Variants in COL11A1 observed in about 807,000 individuals in gnomAD.
COL11A1 encodes the protein collagen alpha-1(XI) chain.
Under a neutral mutation model 265.2 loss-of-function variants are expected in COL11A1, and 74 were observed. That is an observed-to-expected ratio of 0.28 (90% CI 0.23 to 0.34). The LOEUF is 0.34. Ranked by LOEUF, COL11A1 falls within the 10% of genes least tolerant of loss-of-function variation. COL11A1 has a pLI of 1.00. For synonymous variants in COL11A1, 816 were observed against 727.6 expected (o/e 1.12, Z -1.96); for missense variants, 2,165 against 2,263.6 (o/e 0.96, Z 0.88).
rs1489532277 is a variant in COL11A1 at position 102,905,410 on chromosome 1, GAGAAAGGAAGGAAGGA to G, written c.4087-6432_4087-6417del. On this transcript the variant is annotated intron_variant, in intron 54 of 66. Coordinates refer to ENST00000370096, the MANE Select transcript of COL11A1 (RefSeq NM_001854.4). ...AAAAATTAAAAAAAAAGGAAAGAGA[GAGAAAGGAAGGAAGGA>G]AGAAAGGAAGAAAAGAAGGAGGGAG... Among the ~76,000 whole-genome samples the G allele has an allele frequency of 2.0e-5, 3 of 149,442 alleles. No individual in the cohort carries two copies. In the Admixed American group the frequency reaches 2.0e-4, roughly 10 times the overall value.
At chr1:102,905,765 T>A (rs1409215397) in intron 54 of COL11A1, among the ~76,000 whole-genome samples, 4 of 152,128 alleles carry the variant, frequency 2.6e-5, no homozygotes, top group Non-Finnish European at 5.9e-5. Flanking sequence ...CCAATTTATA[T>A]TAGTATTACA....
intron 30 of COL11A1, 88 bp from the exon 31 acceptor site, chr1:102,984,279 T>C: frequency 1.2e-6 from 1 of 845,578 alleles, no homozygotes; most frequent in Non-Finnish European, 1.9e-6. Flanking sequence ...AATATTAGAA[T>C]CACATATTGT....
intron 1 of COL11A1, among the ~76,000 whole-genome samples, chr1:103,098,663 C>T (rs757468299): frequency 1.3e-5 from 2 of 151,780 alleles, no homozygotes; most frequent in Admixed American, 6.6e-5. Flanking sequence ...GATGTATTTC[C>T]TGCTTTCATT....
At chr1:102,965,818 C>T (rs535523228) in intron 37 of COL11A1, among the ~76,000 whole-genome samples, 1 of 152,032 alleles carries the variant, frequency 6.6e-6, no homozygotes, top group Non-Finnish European at 1.5e-5. Flanking sequence ...TCCACTAGGT[C>T]AAACAACATA....
At chr1:103,034,661 C>G (rs1010275297) in intron 4 of COL11A1, among the ~76,000 whole-genome samples, 2 of 151,660 alleles carry the variant, frequency 1.3e-5, no homozygotes, top group African/African-American at 4.8e-5. Flanking sequence ...CATTTAATGT[C>G]TTTGTTGGGG....
At chr1:102,969,949 G>A (rs1021330377) in intron 37 of COL11A1, among the ~76,000 whole-genome samples, 1 of 151,946 alleles carries the variant, frequency 6.6e-6, no homozygotes, top group African/African-American at 2.4e-5. Context: ...AAAAATAATG[G>A]TGTCTTCTCC....
At chr1:103,078,918 C>A (rs184091694) in intron 2 of COL11A1, 47 bp from the exon 3 acceptor site, 3 of 1,335,682 alleles carry the variant, frequency 2.2e-6, no homozygotes, top group African/African-American at 1.5e-5. Context: ...TTTCCAATTT[C>A]TACTTTATTC....
chr1:103,082,946 G>T lies in COL11A1; in HGVS notation c.133C>A (p.Leu45Ile). The T allele has an allele frequency of 6.2e-7, 1 of 1,612,932 alleles. No individual in the cohort carries two copies. Among genetic ancestry groups the T allele is most frequent in the Non-Finnish European group, 8.5e-7 (1 of 1,179,490 alleles). ...CCCTCTGGAGAATTGTGAAAATCTAGTGCTTTTAGTACATCAACTGGAGCA... is the reference window on the plus strand; with the variant it reads ...CCCTCTGGAGAATTGTGAAAATCTATTGCTTTTAGTACATCAACTGGAGCA... ...GAAPVDVLKA[L>I]DFHNSPEGIS... is the part of the protein sequence containing the mutation. Residue 45 changes from leucine (L) to isoleucine (I), a missense_variant, in exon 2 of 67, where the codon CTA (leucine) becomes ATA (isoleucine). Leu to Ile is a conservative substitution (Grantham distance 5, BLOSUM62 2). Coordinates refer to ENST00000370096, the MANE Select transcript of COL11A1 (RefSeq NM_001854.4).
At position 102,930,421 on chromosome 1, in the gene COL11A1, C is replaced by T. The variant is rs1028368196; in HGVS notation, c.3600+4028G>A. Among the ~76,000 whole-genome samples, 36 of 151,776 alleles carry T rather than the reference C, an allele frequency of 2.4e-4. 1 individual carries two copies. Among genetic ancestry groups the T allele is most frequent in the African/African-American group, 8.0e-4 (33 of 41,272 alleles). On this transcript the variant is annotated intron_variant, in intron 46 of 66. Transcript: ENST00000370096. The stretch of plus-strand genomic sequence containing the variant: ...ATTGATTTGCGTATATTGAACCAGC[C>T]TTGCATCCCAGGGATGAAGCCCACT...
intron 54 of COL11A1, among the ~76,000 whole-genome samples, chr1:102,910,474 T>C (rs1654521826): frequency 2.0e-5 from 3 of 152,272 alleles, no homozygotes; most frequent in Admixed American, 2.0e-4. Flanking sequence ...GCTGCCAATA[T>C]GTAATAGAAT....
intron 29 of COL11A1, among the ~76,000 whole-genome samples, chr1:102,988,771 C>T (rs1047834743): frequency 4.6e-5 from 7 of 152,072 alleles, no homozygotes; most frequent in African/African-American, 1.4e-4. Context: ...AAAGATTGTT[C>T]AGCAGCTTTG....
intron 65 of COL11A1, among the ~76,000 whole-genome samples, chr1:102,880,481 G>A (rs984719668): frequency 6.6e-6 from 1 of 152,106 alleles, no homozygotes; most frequent in African/African-American, 2.4e-5. Context: ...GATGATGTGT[G>A]TATTCAACAT....
intron 44 of COL11A1, among the ~76,000 whole-genome samples, chr1:102,935,784 T>C (rs1000882468): frequency 3.3e-5 from 5 of 152,196 alleles, no homozygotes; most frequent in Non-Finnish European, 5.9e-5. Flanking sequence ...TGTTCTGTAT[T>C]GTAACTACTA....
At chr1:103,044,229 T>C (rs1458470080) in intron 4 of COL11A1, among the ~76,000 whole-genome samples, 1 of 151,520 alleles carries the variant, frequency 6.6e-6, no homozygotes, top group Non-Finnish European at 1.5e-5. Flanking sequence ...TTTTCTGTGG[T>C]AAAGGAAAGT....
At chr1:103,071,647 G>C (rs1671597854) in intron 4 of COL11A1, among the ~76,000 whole-genome samples, 1 of 151,208 alleles carries the variant, frequency 6.6e-6, no homozygotes, top group Admixed American at 6.6e-5. Flanking sequence ...ACTTCATTTA[G>C]AACACAGACA....
chr1:102,970,008 CAACT>C (rs1661802990), intron 37 of COL11A1, among the ~76,000 whole-genome samples: 1 of 151,910 alleles, frequency 6.6e-6, no homozygotes, highest in South Asian at 2.1e-4. Flanking sequence ...ACAATCATAT[CAACT>C]AACATCCTAT....
chr1:102,879,752 C>T lies in COL11A1; in HGVS notation c.5205G>A (p.Leu1735=). 1 of 1,613,956 alleles carries T rather than the reference C, an allele frequency of 6.2e-7. No homozygotes were observed. The highest frequency in any genetic ancestry group is 8.5e-7 in the Non-Finnish European group (1 of 1,179,894). The change falls in exon 66 of 67, where the codon CTG becomes CTA. Residue 1735 remains leucine (L), a synonymous_variant. Coordinates refer to ENST00000370096, the MANE Select transcript of COL11A1 (RefSeq NM_001854.4). ...AGGACATCTCCTCATCATTTGATCC[C>T]AGGAAGCGAAGTGCTTTGTCATAAC... ...SGSYDKALRF[L]GSNDEEMSYD...
At chr1:102,970,123 A>T (rs373918410) in intron 37 of COL11A1, 96 bp downstream of exon 37, 1 of 861,884 alleles carries the variant, frequency 1.2e-6, no homozygotes, top group African/African-American at 1.7e-5. Context: ...TTCTCAACCT[A>T]GTAATTGAAA....
chr1:103,021,814 ATTTC>A (rs774672903), intron 8 of COL11A1, 45 bp from the exon 9 acceptor site: 45 of 1,295,210 alleles, frequency 3.5e-5, no homozygotes, highest in Middle Eastern at 3.7e-4. Context: ...CTGTAAGACC[ATTTC>A]TTTCTTTCTT....
Sources: gnomAD v4.1 joint callset for allele counts (sites outside exome capture counted in the v4.1 genomes callset) on GRCh38, gnomAD v4.1.1 for gene constraint, MANE v1.5 for transcripts, NCBI Gene and HGNC (gene_info 2026-07-23, HGNC 2026-07-21) for gene names.